RICTOR: variants seen among roughly 807,000 people sequenced by gnomAD.
RICTOR encodes RPTOR independent companion of MTOR complex 2, also known as rapamycin-insensitive companion of mTOR.
Under a neutral mutation model 214.9 loss-of-function variants are expected in RICTOR, and 49 were observed. The observed-to-expected ratio is 0.23, with a 90% CI of 0.18 to 0.29. The LOEUF is 0.29. Ranked by LOEUF, RICTOR falls within the 10% of genes least tolerant of loss-of-function variation. The pLI is 1.00. For missense variants in RICTOR, 1,625 were observed against 2,047.0 expected, an observed-to-expected ratio of 0.79 and a Z score of 3.98; for synonymous variants, 717 against 711.3, an observed-to-expected ratio of 1.01 and a Z score of -0.13.
chr5:38,962,648 A>G, intron 17 of RICTOR, 62 bp from the exon 18 acceptor site: 2 of 987,586 alleles, frequency 2.0e-6, no homozygotes, highest in Non-Finnish European at 3.0e-6. Context: ...CAGAAAACTA[A>G]GTTCAAATTT....
chr5:39,049,998 T>C (rs1757738360), intron 2 of RICTOR, among the ~76,000 whole-genome samples: 1 of 152,102 alleles, frequency 6.6e-6, no homozygotes. Context: ...TTTTCTGGAA[T>C]TACTCAAAGA....
chr5:38,980,542 T>C (rs569715189), intron 8 of RICTOR, among the ~76,000 whole-genome samples: 1 of 152,240 alleles, frequency 6.6e-6, no homozygotes, highest in South Asian at 2.1e-4. Flanking sequence ...CTGTGTGATA[T>C]ATAGGAATAA....
At chr5:39,009,609 C>G (rs918616883) in intron 3 of RICTOR, among the ~76,000 whole-genome samples, 1 of 151,994 alleles carries the variant, frequency 6.6e-6, no homozygotes, top group Admixed American at 6.6e-5. Flanking sequence ...TTAAATTTAA[C>G]CATTTAACCA....
chr5:39,004,776 CTTTTTTTTTT>C (rs70982534), intron 3 of RICTOR, among the ~76,000 whole-genome samples: 21 of 105,816 alleles, frequency 2.0e-4, no homozygotes, highest in Non-Finnish European at 3.1e-4. Context: ...CTCTCAGACT[CTTTTTTTTTT>C]TTTTTTTTTT....
chr5:39,023,314 C>G (rs1303328182), intron 2 of RICTOR, among the ~76,000 whole-genome samples: 1 of 149,948 alleles, frequency 6.7e-6, no homozygotes, highest in African/African-American at 2.5e-5. Context: ...GAAAATCTTA[C>G]AAGTAACCAG....
At chr5:38,960,685 T>C in intron 19 of RICTOR, 152 bp from the exon 20 acceptor site, 1 of 766,096 alleles carries the variant, frequency 1.3e-6, no homozygotes, top group Non-Finnish European at 2.1e-6. Context: ...AAGTGTTTGG[T>C]ACATGATATG....
intron 3 of RICTOR, among the ~76,000 whole-genome samples, chr5:39,005,224 T>A (rs981840430): frequency 8.9e-4 from 135 of 152,256 alleles, no homozygotes; most frequent in Non-Finnish European, 5.3e-4. Flanking sequence ...GATCTACTTC[T>A]GCAGTTTTGA....
chr5:38,973,122 G>A (rs1167539779), intron 10 of RICTOR, among the ~76,000 whole-genome samples: 1 of 152,030 alleles, frequency 6.6e-6, no homozygotes, highest in Non-Finnish European at 1.5e-5. Context: ...AACTGACTAG[G>A]AAAGAGTATA....
intron 2 of RICTOR, among the ~76,000 whole-genome samples, chr5:39,070,890 T>G (rs80207287): frequency 6.6e-6 from 1 of 152,178 alleles, no homozygotes; most frequent in African/African-American, 2.4e-5. Context: ...TTTAATAATA[T>G]CATTAGCAAA....
rs111391007 is a variant in RICTOR, at chr5:38,971,676, C to T, written c.972+201G>A. ...GATTACACGCATGAGCCACCGTGCCCAGACAACAGCAATATTTTAAATGAT... is the reference window on the plus strand; with the variant it reads ...GATTACACGCATGAGCCACCGTGCCTAGACAACAGCAATATTTTAAATGAT... On this transcript the variant is annotated intron_variant, in intron 11 of 37. Transcript: ENST00000357387. 403 of 402,000 alleles carry T rather than the reference C, an allele frequency of 1.0e-3. 1 individual carries two copies. Among genetic ancestry groups the T allele is most frequent in the African/African-American group, 7.5e-3 (357 of 47,714 alleles). The allele number at this position is 402,000 out of a possible 1,614,324, so 24.9% of individuals were successfully genotyped here.
intron 2 of RICTOR, among the ~76,000 whole-genome samples, chr5:39,048,152 G>A (rs984743590): frequency 2.0e-5 from 3 of 152,180 alleles, no homozygotes; most frequent in African/African-American, 4.8e-5. Context: ...TACCACCTGT[G>A]AGCATGTCAT....
chr5:38,962,850 T>C (rs765124726), intron 17 of RICTOR, 26 bp downstream of exon 17: 6 of 1,583,752 alleles, frequency 3.8e-6, no homozygotes, highest in Non-Finnish European at 5.2e-6. Flanking sequence ...GTGTTTAAGA[T>C]GAAAATCATG....
intron 8 of RICTOR, 42 bp downstream of exon 8, chr5:38,981,825 T>A: frequency 5.2e-6 from 7 of 1,339,054 alleles, no homozygotes; most frequent in Non-Finnish European, 7.3e-6. Context: ...TATACATTTA[T>A]AATAATATTT....
intron 2 of RICTOR, among the ~76,000 whole-genome samples, chr5:39,035,454 G>A (rs1756608919): frequency 6.6e-6 from 1 of 152,196 alleles, no homozygotes; most frequent in Non-Finnish European, 1.5e-5. Context: ...CACCAGCAAT[G>A]GAACAAAGCT....
In RICTOR at chr5:38,967,362, T is replaced by G. The variant is rs376772272; in HGVS notation, c.1126A>C (p.Ile376Leu). 1 of 1,613,768 alleles carries G rather than the reference T, an allele frequency of 6.2e-7. No individual in the cohort carries two copies. Residue 376 changes from isoleucine to leucine, a missense_variant, in exon 13 of 38, where the codon ATT becomes CTT. Transcript: ENST00000357387. Reference protein sequence around the residue: ...DGFVAAEAKTILPHRARSRPD... With the variant: ...DGFVAAEAKTLLPHRARSRPD... ...CTGGATCTGGCACGATGAGGAAGAATAGTTTTTGCCTCAGCTGCCACAAAG... is the reference window on the plus strand; with the variant it reads ...CTGGATCTGGCACGATGAGGAAGAAGAGTTTTTGCCTCAGCTGCCACAAAG...
In RICTOR at chr5:38,952,202, G is replaced by A. The variant is rs1381119516; in HGVS notation, c.3121C>T (p.Pro1041Ser). 1 of 1,585,086 alleles carries A rather than the reference G, an allele frequency of 6.3e-7. No homozygotes were observed. Among genetic ancestry groups the A allele is most frequent in the East Asian group, 2.2e-5 (1 of 44,670 alleles). ...SRHNSESESVPSSMFILEDDR... is the reference protein window; with the variant it reads ...SRHNSESESVSSSMFILEDDR... Reference sequence around the variant, plus strand: ...AACCTGTCAGGATACTCACTCGATGGCACAGATTCACTTTCACTATTATGT... The same window carrying A: ...AACCTGTCAGGATACTCACTCGATGACACAGATTCACTTTCACTATTATGT... The change falls in exon 30 of 38, where the codon CCA (proline) becomes TCA (serine). Residue 1041 changes from proline (P) to serine (S), a missense_variant. Around this residue, in one of 5 missense-constraint regions of RICTOR, gnomAD observed 1,214 missense variants for 1,470.5 expected, o/e 0.83. Coordinates refer to ENST00000357387, the MANE Select transcript of RICTOR (RefSeq NM_152756.5).
intron 11 of RICTOR, chr5:38,969,903 T>C (rs1014885267): frequency 6.6e-6 from 1 of 152,036 alleles, no homozygotes; most frequent in South Asian, 2.1e-4. Context: ...CCTGATCTCA[T>C]GATCCGCCCG....
At chr5:39,040,022 G>A (rs1354656113) in intron 2 of RICTOR, among the ~76,000 whole-genome samples, 1 of 152,102 alleles carries the variant, frequency 6.6e-6, no homozygotes, top group South Asian at 2.1e-4. Flanking sequence ...GCACACGTAT[G>A]TTTACTGCAG....
chr5:38,966,786 G>A (rs1178669235), intron 14 of RICTOR, 65 bp from the exon 15 acceptor site: 3 of 843,686 alleles, frequency 3.6e-6, no homozygotes, highest in African/African-American at 1.9e-5. Flanking sequence ...TTATGCATCA[G>A]ATTTATTTTT....
Sources: allele counts gnomAD v4.1 joint callset (sites outside exome capture counted in the v4.1 genomes callset), GRCh38; gene constraint gnomAD v4.1.1; regional missense constraint gnomAD v4.1.1; transcripts MANE v1.5; gene names NCBI Gene and HGNC (gene_info 2026-07-23, HGNC 2026-07-21).